Variants in ZRANB3 observed in about 807,000 individuals in gnomAD.
ZRANB3 encodes the protein DNA annealing helicase and endonuclease ZRANB3.
ZRANB3 carries 125 observed loss-of-function variants against 133.8 expected under a neutral mutation model. That is an observed-to-expected ratio of 0.93 (90% CI 0.81 to 1.08). The LOEUF (loss-of-function observed/expected upper bound fraction) is 1.08. ZRANB3 is among the 50% of genes least tolerant of loss of function. The probability of loss-of-function intolerance (pLI) is 0.00; values close to 1 mark genes in which losing one functional copy is unlikely to be tolerated. For missense variants in ZRANB3, 1,229 were observed against 1,275.5 expected, an observed-to-expected ratio of 0.96 and a Z score of 0.56; for synonymous variants, 387 against 432.7, an observed-to-expected ratio of 0.89 and a Z score of 1.31.
intron 6 of ZRANB3, among the ~76,000 whole-genome samples, chr2:135,344,536 G>C (rs1213873267): frequency 5.9e-5 from 9 of 152,168 alleles, no homozygotes; most frequent in African/African-American, 1.9e-4. Context: ...AGGAGTTTGA[G>C]ACCAGCCTGG....
In ZRANB3 at chr2:135,199,474, T is replaced by G. The variant is rs1693528879; in HGVS notation, c.*868A>C. Reference sequence around the variant, plus strand: ...ACCATGCCCGGCTAATTTTTTGTATTTTTAGTAGAGATGGGGTTTCACCGT... The same window carrying G: ...ACCATGCCCGGCTAATTTTTTGTATGTTTAGTAGAGATGGGGTTTCACCGT... On this transcript the variant is annotated 3_prime_UTR_variant, in exon 21 of 21. Transcript: ENST00000264159. 6.6e-6 allele frequency: 1 copy of G among 152,152 alleles called. No homozygotes were observed. The highest frequency in any genetic ancestry group is 1.5e-5 in the Non-Finnish European group (1 of 68,042). 9.4% of individuals were successfully genotyped at this position (152,152 alleles called of 1,614,324 possible). A position where few individuals can be genotyped will look rare whatever the true frequency, so the allele number is the denominator to read the frequency against.
intron 3 of ZRANB3, among the ~76,000 whole-genome samples, chr2:135,377,909 TGCC>T (rs1210734661): frequency 5.9e-5 from 9 of 152,194 alleles, no homozygotes; most frequent in Non-Finnish European, 1.3e-4. Context: ...TATAATCAGC[TGCC>T]ATGGTGGCTA....
At position 135,207,479 on chromosome 2, in the gene ZRANB3, C is replaced by G. The variant is rs758816699; in HGVS notation, c.2964G>C (p.Lys988Asn). The change falls in exon 19 of 21, where the codon AAG becomes AAC. Residue 988 changes from lysine (K) to asparagine (N), a missense_variant. By Grantham distance (94) the Lys-to-Asn change is moderately conservative (BLOSUM62 0). Transcript: ENST00000264159. ...AAGTCCAGGTAGCATACAGAAGATT[C>G]TTCCTCTGACTTTTAGGGGCATCTC... ...RLRDAPKSQR[K>N]NLLYATWTSK... The G allele has an allele frequency of 1.2e-6, 2 of 1,613,696 alleles. No individual in the cohort carries two copies. The highest frequency in any genetic ancestry group is 4.5e-5 in the East Asian group (2 of 44,900).
chr2:135,239,897 C>T (rs1695475995), intron 12 of ZRANB3, among the ~76,000 whole-genome samples: 1 of 151,646 alleles, frequency 6.6e-6, no homozygotes, highest in South Asian at 2.1e-4. Flanking sequence ...GGCAGAAGAA[C>T]CGCTCAAACC....
At chr2:135,215,593 T>C (rs1694271142) in intron 17 of ZRANB3, among the ~76,000 whole-genome samples, 1 of 152,298 alleles carries the variant, frequency 6.6e-6, no homozygotes, top group East Asian at 1.9e-4. Context: ...TTCAGATGGG[T>C]TCCAAATCTG....
At chr2:135,203,339 G>A (rs1423135086) in intron 19 of ZRANB3, among the ~76,000 whole-genome samples, 1 of 152,164 alleles carries the variant, frequency 6.6e-6, no homozygotes, top group African/African-American at 2.4e-5. Flanking sequence ...AAACTTCTCA[G>A]CCAGGCACAG....
intron 6 of ZRANB3, among the ~76,000 whole-genome samples, chr2:135,328,319 G>C (rs1683945926): frequency 2.0e-5 from 3 of 147,016 alleles, no homozygotes; most frequent in Admixed American, 7.1e-5. Context: ...TGTGGTGTTT[G>C]GTTTTCTGTC....
At chr2:135,214,117 G>T (rs1288925479) in intron 17 of ZRANB3, among the ~76,000 whole-genome samples, 1 of 152,304 alleles carries the variant, frequency 6.6e-6, no homozygotes, top group East Asian at 1.9e-4. Context: ...TTTGATTTCT[G>T]CCTTGTAAAA....
chr2:135,293,134 A>G (rs533354353), intron 8 of ZRANB3, among the ~76,000 whole-genome samples: 1 of 152,306 alleles, frequency 6.6e-6, no homozygotes, highest in South Asian at 2.1e-4. Context: ...CTGTGAAGAA[A>G]GTCATTAGTA....
chr2:135,293,459 T>A (rs1209546770), intron 8 of ZRANB3, among the ~76,000 whole-genome samples: 1 of 152,158 alleles, frequency 6.6e-6, no homozygotes. Flanking sequence ...TCCTGAGACT[T>A]TGCTGAAGTT....
chr2:135,407,917 A>T (rs1372433863), intron 2 of ZRANB3, among the ~76,000 whole-genome samples: 2 of 147,462 alleles, frequency 1.4e-5, no homozygotes, highest in Non-Finnish European at 1.5e-5. Context: ...GGCATGGGCA[A>T]GGACTTCATG....
chr2:135,315,495 C>A lies in ZRANB3; in HGVS notation c.713G>T (p.Gly238Val). Residue 238 changes from glycine (G) to valine (V), a missense_variant, in exon 7 of 21, where the codon GGG becomes GTG. By Grantham distance (109) the Gly-to-Val change is moderately radical. Coordinates refer to ENST00000264159, the MANE Select transcript of ZRANB3 (RefSeq NM_032143.4). ...GTGAAGTTCATTAAGATTTGATGCC[C>A]CTCTACAATCCCACTGAGGTCTTTT... The part of the protein sequence containing the change: ...FGKRPQWDCR[G>V]ASNLNELHQL... 6.4e-7 allele frequency: 1 copy of A among 1,569,766 alleles called. No homozygotes were observed. The highest frequency in any genetic ancestry group is 1.2e-5 in the South Asian group (1 of 81,974).
intron 3 of ZRANB3, among the ~76,000 whole-genome samples, chr2:135,377,153 G>T (rs1686465856): frequency 6.6e-6 from 1 of 152,182 alleles, no homozygotes; most frequent in South Asian, 2.1e-4. Context: ...CACTGTTAGG[G>T]TTAAAGATTA....
intron 3 of ZRANB3, among the ~76,000 whole-genome samples, chr2:135,364,083 CAGGA>C (rs1558944865): frequency 7.2e-6 from 1 of 138,178 alleles, no homozygotes; most frequent in Admixed American, 7.4e-5. Context: ...GGAAGGAGGG[CAGGA>C]AGGAAGGAGG....
intron 2 of ZRANB3, among the ~76,000 whole-genome samples, chr2:135,467,194 T>C (rs183028871): frequency 1.8e-4 from 28 of 152,110 alleles, no homozygotes; most frequent in Admixed American, 1.8e-3. Context: ...TCTGCTCCCA[T>C]TTAAACAAAT....
At chr2:135,444,734 T>C (rs977075336) in intron 2 of ZRANB3, among the ~76,000 whole-genome samples, 3 of 152,244 alleles carry the variant, frequency 2.0e-5, no homozygotes, top group African/African-American at 4.8e-5. Context: ...ATTCTAGTGA[T>C]GCTAAAACTG....
At chr2:135,467,169 G>A (rs1027476622) in intron 2 of ZRANB3, among the ~76,000 whole-genome samples, 2 of 152,090 alleles carry the variant, frequency 1.3e-5, no homozygotes, top group African/African-American at 4.8e-5. Flanking sequence ...ACCCAGGCTT[G>A]AGTGGCTTTC....
intron 8 of ZRANB3, among the ~76,000 whole-genome samples, chr2:135,277,007 C>T (rs575205629): frequency 2.2e-4 from 33 of 152,268 alleles, no homozygotes; most frequent in Middle Eastern, 6.8e-3. Context: ...TAGAAAACTA[C>T]AGACTTATTC....
intron 2 of ZRANB3, among the ~76,000 whole-genome samples, chr2:135,403,407 G>A (rs956779968): frequency 6.6e-6 from 1 of 152,228 alleles, no homozygotes; most frequent in African/African-American, 2.4e-5. Flanking sequence ...GGCTGGGGGA[G>A]AGGCGCCCGC....
Sources: allele counts gnomAD v4.1 joint callset (sites outside exome capture counted in the v4.1 genomes callset), GRCh38; gene constraint gnomAD v4.1.1; transcripts MANE v1.5; gene names NCBI Gene and HGNC (gene_info 2026-07-23, HGNC 2026-07-21).